IL17RB: variants seen among roughly 807,000 people sequenced by gnomAD.
IL17RB encodes the protein interleukin 17 receptor B, also known as interleukin-17 receptor B.
Under a neutral mutation model 43.9 loss-of-function variants are expected in IL17RB, and 36 were observed. The ratio of observed to expected loss-of-function variants is 0.82; its 90% CI spans 0.63 to 1.08. The LOEUF is 1.08. IL17RB is among the 50% of genes least tolerant of loss of function. The pLI is 0.00. For missense variants in IL17RB, 613 were observed against 613.6 expected (o/e 1.00, Z 0.01); for synonymous variants, 225 against 225.4 (o/e 1.00, Z 0.02).
At chr3:53,854,266 C>A (rs1466799056) in intron 5 of IL17RB, among the ~76,000 whole-genome samples, 1 of 152,212 alleles carries the variant, frequency 6.6e-6, no homozygotes, top group Non-Finnish European at 1.5e-5. Context: ...ACCTCTCACC[C>A]AGCTTCTCCT....
At chr3:53,853,089 G>C (rs1699215304) in intron 5 of IL17RB, 92 bp downstream of exon 5, 10 of 1,478,148 alleles carry the variant, frequency 6.8e-6, no homozygotes, top group Non-Finnish European at 8.4e-6. Flanking sequence ...CCTGGATAAG[G>C]CTTTTGGCCT....
At chr3:53,851,209 A>C (rs1409843966) in intron 3 of IL17RB, among the ~76,000 whole-genome samples, 1 of 151,994 alleles carries the variant, frequency 6.6e-6, no homozygotes, top group Non-Finnish European at 1.5e-5. Context: ...TTCAGATCGG[A>C]AAAAAGTCTA....
rs115561361 is a variant in IL17RB at position 53,855,684 on chromosome 3, G to A, written c.529+343G>A. Reference sequence around the variant, plus strand: ...TCTTCCTGATTGATGGGAGTCCTACGAGCCCTTCCACCTGCTCAGATGCTA... The same window carrying A: ...TCTTCCTGATTGATGGGAGTCCTACAAGCCCTTCCACCTGCTCAGATGCTA... On this transcript the variant is annotated intron_variant, in intron 6 of 10. Transcript: ENST00000288167. 8.1e-4 allele frequency among the ~76,000 whole-genome samples: 124 copies of A among 152,262 alleles called. 1 individual carries two copies. Among genetic ancestry groups the A allele is most frequent in the African/African-American group, 2.7e-3 (111 of 41,542 alleles).
chr3:53,854,750 G>T (rs1284636284), intron 5 of IL17RB, among the ~76,000 whole-genome samples: 4 of 152,196 alleles, frequency 2.6e-5, no homozygotes, highest in African/African-American at 9.7e-5. Flanking sequence ...CCCCACCCTG[G>T]GGTGAGGATA....
Position 53,860,174 on chromosome 3 carries a change from C to CTGCTGGTGGCCACATGGG in IL17RB, c.903_920dup (p.Thr302_Ala307dup). On this transcript the variant is annotated inframe_insertion, in exon 10 of 11. Transcript: ENST00000288167. Reference sequence around the variant, plus strand: ...CTGGCTGCCTCTCCTCCTGCTGTCTCTGCTGGTGGCCACATGGGTGCTGGT... The same window carrying CTGCTGGTGGCCACATGGG: ...CTGGCTGCCTCTCCTCCTGCTGTCTCTGCTGGTGGCCACATGGGTGCTGGTGGCCACATGGGTGCTGGT... 1 of 1,614,136 alleles carries CTGCTGGTGGCCACATGGG rather than the reference C, an allele frequency of 6.2e-7. No individual in the cohort carries two copies. Among genetic ancestry groups the CTGCTGGTGGCCACATGGG allele is most frequent in the South Asian group, 1.1e-5 (1 of 91,080 alleles).
At chr3:53,860,359 T>G (rs535243374) in intron 10 of IL17RB, 131 bp downstream of exon 10, 3 of 641,444 alleles carry the variant, frequency 4.7e-6, no homozygotes, top group Non-Finnish European at 8.1e-6. Context: ...ATGTAATACC[T>G]TCAAGTGCTC....
intron 9 of IL17RB, chr3:53,859,599 G>A (rs1254449578): frequency 6.5e-6 from 1 of 152,868 alleles, no homozygotes. Context: ...TGCTATGTAT[G>A]TAAGCAGTTG....
At chr3:53,855,234 A>G in intron 5 of IL17RB, 60 bp from the exon 6 acceptor site, 3 of 1,167,704 alleles carry the variant, frequency 2.6e-6, no homozygotes, top group Non-Finnish European at 3.8e-6. Flanking sequence ...GCACTTGGCA[A>G]AGGGGGTGGG....
chr3:53,849,612 G>A (rs1699059433), intron 2 of IL17RB, 43 bp from the exon 3 acceptor site: 2 of 1,545,642 alleles, frequency 1.3e-6, no homozygotes, highest in Non-Finnish European at 1.8e-6. Flanking sequence ...GCATCAGACT[G>A]GGCTGGGAAA....
At chr3:53,857,101 T>C in intron 7 of IL17RB, 115 bp downstream of exon 7, 1 of 1,078,454 alleles carries the variant, frequency 9.3e-7, no homozygotes, top group Non-Finnish European at 1.4e-6. Flanking sequence ...ATTCAACAGA[T>C]AAAAACAAGT....
intron 2 of IL17RB, 81 bp downstream of exon 2, chr3:53,848,769 A>ATATT (rs1165749142): frequency 2.2e-6 from 3 of 1,388,970 alleles, no homozygotes; most frequent in Non-Finnish European, 2.1e-6. Context: ...TATAGGCAAT[A>ATATT]GGTCATCGAA....
intron 2 of IL17RB, among the ~76,000 whole-genome samples, chr3:53,849,336 C>T (rs1699048133): frequency 6.6e-6 from 1 of 152,130 alleles, no homozygotes; most frequent in African/African-American, 2.4e-5. Flanking sequence ...ATTATCTGGG[C>T]TATAAATCAG....
intron 1 of IL17RB, 43 bp from the exon 2 acceptor site, chr3:53,848,621 T>C (rs1699022569): frequency 6.3e-7 from 1 of 1,584,826 alleles, no homozygotes; most frequent in Admixed American, 1.8e-5. Context: ...AAGCTTGTGG[T>C]TTGCCGGCTT....
In IL17RB at chr3:53,864,985, C is replaced by A. The variant is rs1315917516; in HGVS notation, c.1186C>A (p.Leu396Ile). The A allele has an allele frequency of 3.1e-6, 5 of 1,614,180 alleles. No individual in the cohort carries two copies. Among genetic ancestry groups the A allele is most frequent in the Non-Finnish European group, 4.2e-6 (5 of 1,180,030 alleles). Reference protein sequence around the residue: ...KKAADKVVFLLSNDVNSVCDG... With the variant: ...KKAADKVVFLISNDVNSVCDG... ...GGCAGCAGACAAAGTCGTCTTCCTT[C>A]TTTCCAATGACGTCAACAGTGTGTG... The change falls in exon 11 of 11, where the codon CTT (leucine) becomes ATT (isoleucine). Residue 396 changes from leucine to isoleucine, a missense_variant. Transcript: ENST00000288167.
Position 53,846,941 on chromosome 3 carries a change from C to T in IL17RB, c.60+293C>T, listed in dbSNP as rs149584006. Among the ~76,000 whole-genome samples, 266 of 152,328 alleles carry T rather than the reference C, an allele frequency of 1.7e-3. 1 individual carries two copies. The highest frequency in any genetic ancestry group is 3.3e-3 in the Non-Finnish European group (227 of 68,026). On this transcript the variant is annotated intron_variant, in intron 1 of 10. Coordinates refer to ENST00000288167, the MANE Select transcript of IL17RB (RefSeq NM_018725.4). ...AAACGAAGGGCAGTACCGAACCCAC[C>T]AGGGTCTCTTAAGGTATAACGACAT...
intron 10 of IL17RB, among the ~76,000 whole-genome samples, chr3:53,864,404 G>A (rs1478543021): frequency 2.6e-5 from 4 of 152,006 alleles, no homozygotes; most frequent in African/African-American, 4.8e-5. Context: ...GCGTGGTGGC[G>A]GGCGCCTGTA....
At chr3:53,847,690 A>T (rs1467886152) in intron 1 of IL17RB, among the ~76,000 whole-genome samples, 1 of 152,084 alleles carries the variant, frequency 6.6e-6, no homozygotes, top group Non-Finnish European at 1.5e-5. Context: ...GCTACTCCGG[A>T]GGCTGAGGCA....
At chr3:53,850,816 A>G (rs2107006985) in intron 3 of IL17RB, among the ~76,000 whole-genome samples, 1 of 152,168 alleles carries the variant, frequency 6.6e-6, no homozygotes, top group Admixed American at 6.5e-5. Context: ...AAAATAAAAT[A>G]AAATAAAATA....
chr3:53,860,350 T>G (rs898750200), intron 10 of IL17RB, 122 bp downstream of exon 10: 1 of 692,004 alleles, frequency 1.4e-6, no homozygotes, highest in Non-Finnish European at 2.5e-6. Context: ...ATAGCATTTA[T>G]GTAATACCTT....
Sources: allele counts gnomAD v4.1 joint callset (sites outside exome capture counted in the v4.1 genomes callset), GRCh38; gene constraint gnomAD v4.1.1; transcripts MANE v1.5; gene names NCBI Gene and HGNC (gene_info 2026-07-23, HGNC 2026-07-21).